DGKG: variants seen among roughly 807,000 people sequenced by gnomAD.
The protein encoded by DGKG is DAG kinase gamma.
DGKG carries 78 observed loss-of-function variants against 105.3 expected under a neutral mutation model. The ratio of observed to expected loss-of-function variants is 0.74; its 90% CI spans 0.62 to 0.89. DGKG has a LOEUF of 0.89. Among genes scored for constraint, DGKG ranks in the 40% least tolerant of loss-of-function variants. The pLI is 0.00. For missense variants in DGKG, 958 were observed against 1,020.1 expected, an observed-to-expected ratio of 0.94 and a Z score of 0.83; for synonymous variants, 346 against 367.1, an observed-to-expected ratio of 0.94 and a Z score of 0.66.
At chr3:186,274,251 A>C (rs1302553043) in intron 10 of DGKG, among the ~76,000 whole-genome samples, 1 of 152,156 alleles carries the variant, frequency 6.6e-6, no homozygotes, top group African/African-American at 2.4e-5. Context: ...GCAGTGGTGC[A>C]ATCTCAGCTC....
intron 12 of DGKG, among the ~76,000 whole-genome samples, chr3:186,268,451 A>G (rs1722159582): frequency 6.6e-6 from 1 of 152,170 alleles, no homozygotes; most frequent in Admixed American, 6.5e-5. Flanking sequence ...CTGTTGTCCA[A>G]TTTTTCTCCC....
intron 1 of DGKG, among the ~76,000 whole-genome samples, chr3:186,350,616 T>C (rs1726584257): frequency 1.3e-5 from 2 of 152,250 alleles, no homozygotes; most frequent in African/African-American, 2.4e-5. Flanking sequence ...AGATGTGTGA[T>C]TACTGGATCA....
At chr3:186,311,502 G>A (rs1291933000) in intron 2 of DGKG, among the ~76,000 whole-genome samples, 1 of 152,012 alleles carries the variant, frequency 6.6e-6, no homozygotes, top group Non-Finnish European at 1.5e-5. Context: ...TCCTAAATCG[G>A]GTGTTCAGAA....
intron 20 of DGKG, among the ~76,000 whole-genome samples, chr3:186,227,090 A>T (rs1292870809): frequency 6.6e-6 from 1 of 152,198 alleles, no homozygotes; most frequent in Non-Finnish European, 1.5e-5. Flanking sequence ...TATAGAGGGG[A>T]TGCTTACACT....
chr3:186,269,471 C>T (rs1232639635), intron 11 of DGKG, among the ~76,000 whole-genome samples: 1 of 152,194 alleles, frequency 6.6e-6, no homozygotes, highest in African/African-American at 2.4e-5. Flanking sequence ...TGAAGGGCCT[C>T]CCTGGTGCAG....
chr3:186,236,073 C>T (rs1478886370), intron 20 of DGKG, among the ~76,000 whole-genome samples: 1 of 152,192 alleles, frequency 6.6e-6, no homozygotes, highest in Admixed American at 6.5e-5. Flanking sequence ...CAACCTCTGC[C>T]TCTTGGACTT....
At chr3:186,358,506 T>TTGTGTG (rs142522791) in intron 1 of DGKG, among the ~76,000 whole-genome samples, 12 of 149,952 alleles carry the variant, frequency 8.0e-5, no homozygotes, top group African/African-American at 2.5e-4. Flanking sequence ...TTCTAACCCT[T>TTGTGTG]TGTGTGTGTG....
intron 22 of DGKG, among the ~76,000 whole-genome samples, chr3:186,171,260 G>T (rs563789891): frequency 9.2e-5 from 14 of 152,232 alleles, no homozygotes; most frequent in Admixed American, 2.6e-4. Context: ...CATATAAAAG[G>T]TTCTTGATAT....
rs1395175231 is a variant in DGKG at position 186,160,777 on chromosome 3, A to G, written c.2277+826T>C. Reference sequence around the variant, plus strand: ...CCCAGCAGAGGCCCTGAAAACCAGGACGACGATTGCTCTTCACCACGAGAT... The same window carrying G: ...CCCAGCAGAGGCCCTGAAAACCAGGGCGACGATTGCTCTTCACCACGAGAT... On this transcript the variant is annotated intron_variant, in intron 24 of 24. Coordinates refer to ENST00000265022, the MANE Select transcript of DGKG (RefSeq NM_001346.3). 6 of 985,352 alleles carry G rather than the reference A, an allele frequency of 6.1e-6. No individual in the cohort carries two copies. In the East Asian group the frequency reaches 4.5e-4, roughly 74 times the overall value. 61.0% of individuals were successfully genotyped at this position (985,352 alleles called of 1,614,324 possible). A position where few individuals can be genotyped will look rare whatever the true frequency, so the allele number is the denominator to read the frequency against.
intron 24 of DGKG, chr3:186,160,572 C>T (rs1716244386): frequency 1.0e-6 from 1 of 985,376 alleles, no homozygotes; most frequent in South Asian, 4.7e-5. Flanking sequence ...TACCTTTTCT[C>T]AGCAGGTTCA....
At chr3:186,273,364 C>CT (rs1033122196) in intron 10 of DGKG, among the ~76,000 whole-genome samples, 1 of 88,816 alleles carries the variant, frequency 1.1e-5, no homozygotes, top group African/African-American at 4.5e-5. Flanking sequence ...GACTGTTGTA[C>CT]CCCTTTTTTT....
intron 20 of DGKG, among the ~76,000 whole-genome samples, chr3:186,218,908 GGT>G (rs1409730665): frequency 6.6e-6 from 1 of 152,046 alleles, no homozygotes; most frequent in Non-Finnish European, 1.5e-5. Flanking sequence ...GGTTATTAGC[GGT>G]GTTATTGCTA....
intron 23 of DGKG, among the ~76,000 whole-genome samples, chr3:186,164,659 A>T (rs1716449872): frequency 6.6e-6 from 1 of 152,150 alleles, no homozygotes; most frequent in Non-Finnish European, 1.5e-5. Context: ...AGAGAACTTC[A>T]CCAGCTCAGT....
Position 186,251,748 on chromosome 3 carries a change from G to T in DGKG, c.1761+11C>A. The T allele has an allele frequency of 2.5e-6, 4 of 1,613,914 alleles. No homozygotes were observed. The South Asian group carries it at 4.4e-5, about 18-fold the overall frequency. ...CCTTCCATACAGAAAGGTGATCTTT[G>T]ACCAACTCACCACACCAATGGAGAA... On this transcript the variant is annotated intron_variant, in intron 19 of 24. Transcript: ENST00000265022.
intron 20 of DGKG, among the ~76,000 whole-genome samples, chr3:186,222,717 G>A (rs543106378): frequency 1.3e-5 from 2 of 151,516 alleles, no homozygotes; most frequent in Non-Finnish European, 2.9e-5. Context: ...AGTGGGTCAC[G>A]CCTGTAAACC....
At chr3:186,355,749 C>T (rs906926824) in intron 1 of DGKG, among the ~76,000 whole-genome samples, 4 of 152,092 alleles carry the variant, frequency 2.6e-5, no homozygotes, top group Admixed American at 6.5e-5. Context: ...ACCAGCATCA[C>T]CACCACCATT....
intron 5 of DGKG, 82 bp downstream of exon 5, chr3:186,297,339 C>A: frequency 9.4e-7 from 1 of 1,063,388 alleles, no homozygotes; most frequent in South Asian, 1.3e-5. Flanking sequence ...GAAGACAGCA[C>A]TGTTGGTTAG....
rs559634475 is a variant in DGKG at position 186,334,001 on chromosome 3, T to C, written c.-248-13294A>G. Among the ~76,000 whole-genome samples, 9 of 152,278 alleles carry C rather than the reference T, an allele frequency of 5.9e-5. No individual in the cohort carries two copies. In the South Asian group the frequency reaches 6.2e-4, roughly 11 times the overall value. ...GAGGTCAGCCATCCAGTCATCATTC[T>C]CCACTTCATGAAGCGCTTGTGTTCT... is the stretch of plus-strand genomic sequence containing the variant. On this transcript the variant is annotated intron_variant, in intron 1 of 24. Transcript: ENST00000265022.
At chr3:186,235,922 G>A (rs1162285800) in intron 20 of DGKG, among the ~76,000 whole-genome samples, 2 of 152,156 alleles carry the variant, frequency 1.3e-5, no homozygotes, top group Non-Finnish European at 2.9e-5. Context: ...GGGAGCACAT[G>A]GAATCTGTCC....
Sources: allele counts gnomAD v4.1 joint callset (sites outside exome capture counted in the v4.1 genomes callset), GRCh38; gene constraint gnomAD v4.1.1; transcripts MANE v1.5; gene names NCBI Gene and HGNC (gene_info 2026-07-23, HGNC 2026-07-21).